Variants in FHIT observed in about 807,000 individuals in gnomAD.
FHIT encodes the protein fragile histidine triad diadenosine triphosphatase.
FHIT carries 19 observed loss-of-function variants against 17.9 expected under a neutral mutation model. The ratio of observed to expected loss-of-function variants is 1.06; its 90% CI spans 0.74 to 1.56. The LOEUF is 1.56. Among genes scored for constraint, FHIT ranks in the 40% most tolerant of loss-of-function variants. The pLI, the probability that FHIT is intolerant of heterozygous loss-of-function variation, is 0.00. For synonymous variants in FHIT, 81 were observed against 69.7 expected, an observed-to-expected ratio of 1.16 and a Z score of -0.81; for missense variants, 248 against 189.2, an observed-to-expected ratio of 1.31 and a Z score of -1.82.
chr3:60,157,576 T>A (rs912628561), intron 5 of FHIT, among the ~76,000 whole-genome samples: 2 of 152,110 alleles, frequency 1.3e-5, no homozygotes, highest in African/African-American at 4.8e-5. Context: ...AGGTGAAAGC[T>A]CTGAGGAAAA....
intron 2 of FHIT, among the ~76,000 whole-genome samples, chr3:61,098,382 T>C (rs748748246): frequency 6.6e-5 from 10 of 152,194 alleles, no homozygotes; most frequent in Non-Finnish European, 1.5e-4. Flanking sequence ...TTGGGTAGCA[T>C]GATGCCTCCA....
chr3:59,933,228 G>A (rs1232907378), intron 7 of FHIT, among the ~76,000 whole-genome samples: 1 of 152,000 alleles, frequency 6.6e-6, no homozygotes, highest in Non-Finnish European at 1.5e-5. Context: ...CCCAAATTCA[G>A]TCCTCTTCTT....
intron 5 of FHIT, among the ~76,000 whole-genome samples, chr3:60,319,845 G>T (rs1709340622): frequency 6.6e-6 from 1 of 152,144 alleles, no homozygotes; most frequent in African/African-American, 2.4e-5. Context: ...CTGGTTCTGA[G>T]GGTAGAATCA....
intron 5 of FHIT, among the ~76,000 whole-genome samples, chr3:60,223,869 A>T (rs949005386): frequency 1.3e-5 from 2 of 152,038 alleles, no homozygotes; most frequent in African/African-American, 4.8e-5. Context: ...CTGGCCCACA[A>T]GTCTCATCTC....
chr3:60,539,390 C>T (rs2036103227), intron 4 of FHIT, among the ~76,000 whole-genome samples: 1 of 152,142 alleles, frequency 6.6e-6, no homozygotes, highest in Admixed American at 6.6e-5. Flanking sequence ...TGTGGTGATT[C>T]CTCAGGGATC....
At chr3:60,315,766 T>C (rs948946844) in intron 5 of FHIT, among the ~76,000 whole-genome samples, 1 of 152,202 alleles carries the variant, frequency 6.6e-6, no homozygotes, top group African/African-American at 2.4e-5. Context: ...TTCTCATACA[T>C]CTTCCTGGTG....
chr3:60,338,995 G>A (rs1387713734), intron 5 of FHIT, among the ~76,000 whole-genome samples: 2 of 151,986 alleles, frequency 1.3e-5, no homozygotes, highest in East Asian at 3.9e-4. Context: ...GTAAAGGAGG[G>A]GACCCACAGA....
intron 3 of FHIT, among the ~76,000 whole-genome samples, chr3:60,953,363 C>A (rs1287347409): frequency 6.6e-6 from 1 of 152,056 alleles, no homozygotes; most frequent in African/African-American, 2.4e-5. Context: ...TTCCAAGGCT[C>A]GAACTGGATT....
Position 60,967,364 on chromosome 3 carries a change from T to C in FHIT, c.-111+74683A>G, listed in dbSNP as rs554469392. Among the ~76,000 whole-genome samples, 7 of 152,316 alleles carry C rather than the reference T, an allele frequency of 4.6e-5. No individual in the cohort carries two copies. In the East Asian group the frequency reaches 1.4e-3, roughly 29 times the overall value. ...ACAAAACAATGTGAAATAACAAGCA[T>C]TGCAAATACCTAAGACTTTGGTGTA... On this transcript the variant is annotated intron_variant, in intron 3 of 9. Coordinates refer to ENST00000492590, the MANE Select transcript of FHIT (RefSeq NM_002012.4).
intron 8 of FHIT, among the ~76,000 whole-genome samples, chr3:59,812,914 G>A (rs548324351): frequency 3.3e-5 from 5 of 151,988 alleles, no homozygotes; most frequent in East Asian, 1.9e-4. Context: ...AGAAAACTAC[G>A]CTCAGTAATT....
At chr3:59,891,145 G>A (rs1472393713) in intron 8 of FHIT, among the ~76,000 whole-genome samples, 1 of 152,178 alleles carries the variant, frequency 6.6e-6, no homozygotes, top group Non-Finnish European at 1.5e-5. Flanking sequence ...CCTAAGACCT[G>A]AAAAGCTATG....
intron 8 of FHIT, among the ~76,000 whole-genome samples, chr3:59,904,584 G>A (rs936592550): frequency 2.0e-5 from 3 of 152,142 alleles, no homozygotes; most frequent in Non-Finnish European, 2.9e-5. Context: ...AGTGATGCCC[G>A]TACCAGGCCT....
intron 3 of FHIT, among the ~76,000 whole-genome samples, chr3:60,942,342 C>T (rs916778652): frequency 1.3e-5 from 2 of 152,156 alleles, no homozygotes; most frequent in African/African-American, 4.8e-5. Context: ...AGAAGCCAGA[C>T]TTAACCTGGT....
At chr3:60,515,256 C>T (rs1431548554) in intron 5 of FHIT, among the ~76,000 whole-genome samples, 8 of 152,182 alleles carry the variant, frequency 5.3e-5, no homozygotes, top group Admixed American at 5.2e-4. Context: ...AGGAAGGCTG[C>T]AGAGCTCGGT....
At chr3:61,074,529 GA>G (rs1459632457) in intron 2 of FHIT, among the ~76,000 whole-genome samples, 1 of 152,088 alleles carries the variant, frequency 6.6e-6, no homozygotes, top group African/African-American at 2.4e-5. Flanking sequence ...AGATTTCACA[GA>G]AAATGCTGGA....
chr3:60,111,870 C>T (rs74970460), intron 5 of FHIT, among the ~76,000 whole-genome samples: 4,447 of 152,246 alleles, frequency 0.029, 220 homozygotes, highest in African/African-American at 0.1. Context: ...CTAAGAGACA[C>T]CTCAAATTAA....
intron 4 of FHIT, among the ~76,000 whole-genome samples, chr3:60,648,228 T>C (rs532083793): frequency 6.6e-6 from 1 of 152,208 alleles, no homozygotes; most frequent in East Asian, 1.9e-4. Context: ...GAAGCTCAAA[T>C]TCATACGTCA....
At chr3:60,848,320 A>T (rs1388775559) in intron 3 of FHIT, among the ~76,000 whole-genome samples, 1 of 152,186 alleles carries the variant, frequency 6.6e-6, no homozygotes, top group Non-Finnish European at 1.5e-5. Context: ...GAACTTTACT[A>T]TCAAATTGTA....
At chr3:60,011,486 G>C in intron 6 of FHIT, 86 bp from the exon 7 acceptor site, 1 of 1,137,478 alleles carries the variant, frequency 8.8e-7, no homozygotes, top group Non-Finnish European at 1.3e-6. Flanking sequence ...TAATAATTTA[G>C]ATGCAATTTC....
Sources: gnomAD v4.1 joint callset for allele counts (sites outside exome capture counted in the v4.1 genomes callset) on GRCh38, gnomAD v4.1.1 for gene constraint, MANE v1.5 for transcripts, NCBI Gene and HGNC (gene_info 2026-07-23, HGNC 2026-07-21) for gene names.